The following MTOR variants were observed in gnomAD, a reference collection of about 807,000 sequenced individuals.
MTOR encodes the protein mechanistic target of rapamycin kinase, also known as serine/threonine-protein kinase mTOR.
In MTOR, 70 loss-of-function variants were observed where a neutral mutation model predicts 319.8. The ratio of observed to expected loss-of-function variants is 0.22; its 90% CI spans 0.18 to 0.27. The LOEUF is 0.27. MTOR is among the 10% of genes least tolerant of loss of function. The pLI is 1.00. For synonymous variants in MTOR, 1,183 were observed against 1,211.4 expected (o/e 0.98, Z 0.49); for missense variants, 1,890 against 3,274.4 (o/e 0.58, Z 10.32).
intron 49 of MTOR, among the ~76,000 whole-genome samples, chr1:11,118,992 C>A (rs532990822): frequency 6.6e-6 from 1 of 152,200 alleles, no homozygotes; most frequent in African/African-American, 2.4e-5. Flanking sequence ...CCTGCCTCAG[C>A]CTCCCAAGTA....
At chr1:11,217,396 ATTTT>A (rs796436991) in intron 19 of MTOR, among the ~76,000 whole-genome samples, 4 of 143,912 alleles carry the variant, frequency 2.8e-5, no homozygotes, top group Non-Finnish European at 4.6e-5. Flanking sequence ...CCTTCCCCCA[ATTTT>A]TTTTTTTTTG....
At chr1:11,206,703 C>T (rs1646148951) in intron 25 of MTOR, among the ~76,000 whole-genome samples, 1 of 152,208 alleles carries the variant, frequency 6.6e-6, no homozygotes. Flanking sequence ...ACATTATCAA[C>T]TCTCAATTCT....
intron 30 of MTOR, among the ~76,000 whole-genome samples, chr1:11,154,566 A>G (rs1438237032): frequency 2.0e-5 from 3 of 152,112 alleles, no homozygotes; most frequent in African/African-American, 7.2e-5. Context: ...TAAGTTCACT[A>G]ACATTAAATT....
rs1650371921 is a variant in MTOR at position 11,256,196 on chromosome 1, G to C, written c.505-4C>G. 1 of 1,612,390 alleles carries C rather than the reference G, an allele frequency of 6.2e-7. No homozygotes were observed. The highest frequency in any genetic ancestry group is 8.5e-7 in the Non-Finnish European group (1 of 1,179,418). Reference sequence around the variant, plus strand: ...CCAGCTCACGGAGAACCAGGACCTGGAGAAAAAAGCAAACCGAGAACTCTC... The same window carrying C: ...CCAGCTCACGGAGAACCAGGACCTGCAGAAAAAAGCAAACCGAGAACTCTC... On this transcript the variant is annotated splice_polypyrimidine_tract_variant and splice_region_variant and intron_variant, in intron 4 of 57. Transcript: ENST00000361445.
At chr1:11,139,149 A>T in intron 36 of MTOR, 155 bp downstream of exon 36, 1 of 1,017,544 alleles carries the variant, frequency 9.8e-7, no homozygotes, top group Non-Finnish European at 1.4e-6. Context: ...CTATGAAATC[A>T]GGCCAAATAG....
intron 36 of MTOR, among the ~76,000 whole-genome samples, chr1:11,136,718 G>T (rs900771932): frequency 2.0e-5 from 3 of 151,630 alleles, no homozygotes; most frequent in Non-Finnish European, 2.9e-5. Context: ...GCCCAGGTTG[G>T]TCTCAAATTC....
chr1:11,179,135 G>C (rs1645071563), intron 28 of MTOR, among the ~76,000 whole-genome samples: 1 of 152,212 alleles, frequency 6.6e-6, no homozygotes, highest in Non-Finnish European at 1.5e-5. Flanking sequence ...AGAAATGTTT[G>C]GAGAGACCAG....
At chr1:11,168,212 T>A (rs954468430) in intron 28 of MTOR, among the ~76,000 whole-genome samples, 2 of 119,506 alleles carry the variant, frequency 1.7e-5, no homozygotes, top group African/African-American at 7.5e-5. Flanking sequence ...TCCTCTGAAC[T>A]TTTTTTTTTT....
Position 11,144,960 on chromosome 1 carries a change from A to G in MTOR, c.4764+8T>C, listed in dbSNP as rs1643885499. On this transcript the variant is annotated splice_region_variant and intron_variant, in intron 33 of 57. Coordinates refer to ENST00000361445, the MANE Select transcript of MTOR (RefSeq NM_004958.4). The stretch of plus-strand genomic sequence containing the variant: ...AAAATGACAATGTGCAGAATAGTTG[A>G]CACTTACCCCATATGCCCGACTGTA... The G allele has an allele frequency of 6.2e-7, 1 of 1,613,612 alleles. No individual in the cohort carries two copies. The highest frequency in any genetic ancestry group is 1.3e-5 in the African/African-American group (1 of 74,930).
Position 11,214,129 on chromosome 1 carries a change from A to G in MTOR, c.3118-563T>C, listed in dbSNP as rs1232145772. The stretch of plus-strand genomic sequence containing the variant: ...AAAACTCTGAAGTGGTCCAGGGTGG[A>G]CTTGGACCTTACTTTGGTATCACCT... On this transcript the variant is annotated intron_variant, in intron 20 of 57. Coordinates refer to ENST00000361445, the MANE Select transcript of MTOR (RefSeq NM_004958.4). Among the ~76,000 whole-genome samples the G allele has an allele frequency of 2.0e-5, 3 of 152,220 alleles. No homozygotes were observed. In the East Asian group the frequency reaches 5.8e-4, roughly 29 times the overall value.
chr1:11,239,130 G>C (rs57716201), intron 11 of MTOR, among the ~76,000 whole-genome samples: 1 of 152,106 alleles, frequency 6.6e-6, no homozygotes, highest in African/African-American at 2.4e-5. Flanking sequence ...AAAGGTAAAA[G>C]GGGGTGGTGA....
chr1:11,240,192 AC>A (rs1647822972), intron 11 of MTOR, 110 bp downstream of exon 11: 9 of 1,394,792 alleles, frequency 6.5e-6, no homozygotes, highest in African/African-American at 1.4e-5. Context: ...AGAATCAGCT[AC>A]CCTGTCTTTA....
intron 26 of MTOR, among the ~76,000 whole-genome samples, chr1:11,202,597 C>T (rs1646013244): frequency 6.6e-6 from 1 of 151,612 alleles, no homozygotes; most frequent in Non-Finnish European, 1.5e-5. Context: ...TGCACCTGTA[C>T]TCCAAAATCT....
chr1:11,200,886 T>G (rs1355829895), intron 26 of MTOR, among the ~76,000 whole-genome samples: 2 of 151,602 alleles, frequency 1.3e-5, no homozygotes, highest in African/African-American at 2.4e-5. Context: ...GCGGTGGTGG[T>G]GGCCTGTAGT....
intron 53 of MTOR, among the ~76,000 whole-genome samples, chr1:11,113,665 C>T (rs1221350273): frequency 6.6e-6 from 1 of 151,900 alleles, no homozygotes; most frequent in Non-Finnish European, 1.5e-5. Context: ...GGCTAGAGTG[C>T]AGCAGTGGCA....
chr1:11,165,984 G>C (rs544349534), intron 29 of MTOR, among the ~76,000 whole-genome samples: 12 of 152,288 alleles, frequency 7.9e-5, no homozygotes, highest in African/African-American at 2.9e-4. Flanking sequence ...ACAAAAACAA[G>C]CAATGGGGGA....
At chr1:11,247,383 T>C (rs1015653983) in intron 8 of MTOR, among the ~76,000 whole-genome samples, 2 of 152,194 alleles carry the variant, frequency 1.3e-5, no homozygotes, top group Admixed American at 1.3e-4. Flanking sequence ...TGTGAACTTG[T>C]TGGCATCCAT....
In MTOR at chr1:11,139,380, A is replaced by C; in HGVS notation, c.5054T>G (p.Leu1685Arg). ...GTGAACTGTTGGCAGAGGATGGTCA[A>C]GTTGCCGAGACGGATCAACTCCCAG... ...LLLGVDPSRQ[L>R]DHPLPTVHPQ... The change falls in exon 36 of 58, where the codon CTT becomes CGT. Residue 1685 changes from leucine (L) to arginine (R), a missense_variant. Coordinates refer to ENST00000361445, the MANE Select transcript of MTOR (RefSeq NM_004958.4). 2 of 1,613,692 alleles carry C rather than the reference A, an allele frequency of 1.2e-6. No homozygotes were observed. The highest frequency in any genetic ancestry group is 1.7e-6 in the Non-Finnish European group (2 of 1,179,908).
chr1:11,216,869 T>C (rs761151092), intron 19 of MTOR, among the ~76,000 whole-genome samples: 14 of 152,172 alleles, frequency 9.2e-5, no homozygotes, highest in South Asian at 2.1e-4. Context: ...GGATAATTCA[T>C]GTCAAGCACT....
Sources: gnomAD v4.1 joint callset for allele counts (sites outside exome capture counted in the v4.1 genomes callset) on GRCh38, gnomAD v4.1.1 for gene constraint, MANE v1.5 for transcripts, NCBI Gene and HGNC (gene_info 2026-07-23, HGNC 2026-07-21) for gene names.